CCDC3: variants seen among roughly 807,000 people sequenced by gnomAD.
The protein encoded by CCDC3 is coiled-coil domain-containing protein 3.
CCDC3 carries 24 observed loss-of-function variants against 21.4 expected under a neutral mutation model. The observed-to-expected ratio is 1.12, with a 90% CI of 0.81 to 1.58. The LOEUF (loss-of-function observed/expected upper bound fraction) is 1.58, where lower values mean the gene tolerates loss of function less well. Ranked by LOEUF, CCDC3 falls within the 40% of genes most tolerant of loss-of-function variation. The pLI is 0.00. For missense variants in CCDC3, 425 were observed against 360.9 expected, an observed-to-expected ratio of 1.18 and a Z score of -1.44; for synonymous variants, 186 against 166.0, an observed-to-expected ratio of 1.12 and a Z score of -0.93.
intron 2 of CCDC3, among the ~76,000 whole-genome samples, chr10:12,904,633 G>A (rs1834144382): frequency 6.6e-6 from 1 of 152,046 alleles, no homozygotes; most frequent in African/African-American, 2.4e-5. Flanking sequence ...CCTGTCTCCA[G>A]TGACGGGACA....
intron 2 of CCDC3, among the ~76,000 whole-genome samples, chr10:12,958,193 A>C (rs13376952): frequency 0.51 from 77,860 of 152,002 alleles, 22,668 homozygotes; most frequent in Non-Finnish European, 0.65. Context: ...AGAACAACCT[A>C]ATACAAAAGT....
At chr10:12,967,244 C>T (rs902981566) in intron 2 of CCDC3, among the ~76,000 whole-genome samples, 6 of 152,148 alleles carry the variant, frequency 3.9e-5, no homozygotes, top group African/African-American at 1.4e-4. Context: ...GTGACTTCTC[C>T]ACCAAATGAA....
At chr10:13,059,742 C>A (rs1836730528) in intron 4 of CCDC3, among the ~76,000 whole-genome samples, 1 of 152,128 alleles carries the variant, frequency 6.6e-6, no homozygotes, top group African/African-American at 2.4e-5. Context: ...GGCCTCATTT[C>A]TCTTGTGCAT....
intron 1 of CCDC3, among the ~76,000 whole-genome samples, chr10:12,999,144 G>A (rs918002372): frequency 2.0e-5 from 3 of 152,178 alleles, no homozygotes; most frequent in Non-Finnish European, 4.4e-5. Context: ...GAAGGCTGAG[G>A]CAGGAGAATC....
At chr10:12,986,504 G>C (rs1171781697) in intron 2 of CCDC3, among the ~76,000 whole-genome samples, 1 of 152,198 alleles carries the variant, frequency 6.6e-6, no homozygotes, top group Non-Finnish European at 1.5e-5. Flanking sequence ...GCCGGGCACA[G>C]TGGTTCACGC....
At chr10:12,930,521 G>T (rs1834621536) in intron 2 of CCDC3, among the ~76,000 whole-genome samples, 1 of 152,110 alleles carries the variant, frequency 6.6e-6, no homozygotes, top group Admixed American at 6.6e-5. Context: ...GGAAACATGG[G>T]GCACAATAGT....
intron 2 of CCDC3, among the ~76,000 whole-genome samples, chr10:12,940,256 A>ACCAAACT (rs1834807116): frequency 6.8e-6 from 1 of 146,998 alleles, no homozygotes; most frequent in Non-Finnish European, 1.5e-5. Context: ...TTTTCCCTGA[A>ACCAAACT]CCAAACTCCA....
intron 5 of CCDC3, among the ~76,000 whole-genome samples, chr10:13,016,439 C>T (rs1836061374): frequency 6.6e-6 from 1 of 151,496 alleles, no homozygotes; most frequent in South Asian, 2.1e-4. Flanking sequence ...AAATAAAAGA[C>T]ATTCTTCCTA....
rs151309688 is a variant in CCDC3, at chr10:13,075,154, A to T, written c.-502-1054T>A. On this transcript the variant is annotated intron_variant, in intron 3 of 6. Transcript: ENST00000378839. Reference sequence around the variant, plus strand: ...CCCTTTATAACAAATCATCTCTCCAACTTCTTATCAATATCTCAGAAGCTA... The same window carrying T: ...CCCTTTATAACAAATCATCTCTCCATCTTCTTATCAATATCTCAGAAGCTA... Among the ~76,000 whole-genome samples the T allele has an allele frequency of 3.3e-5, 5 of 152,204 alleles. No homozygotes were observed. In the East Asian group the frequency reaches 9.7e-4, roughly 29 times the overall value.
intron 2 of CCDC3, among the ~76,000 whole-genome samples, chr10:12,957,297 G>C (rs1162086150): frequency 6.6e-6 from 1 of 152,186 alleles, no homozygotes; most frequent in Non-Finnish European, 1.5e-5. Flanking sequence ...AAAGGGTTCG[G>C]GGCCGAGCTT....
intron 2 of CCDC3, among the ~76,000 whole-genome samples, chr10:12,953,528 T>C (rs546172838): frequency 6.6e-6 from 1 of 152,362 alleles, no homozygotes; most frequent in Admixed American, 6.5e-5. Flanking sequence ...CTGTGGTTGA[T>C]TGTGTTTGAA....
At chr10:13,018,913 G>C (rs1182723282) in intron 5 of CCDC3, among the ~76,000 whole-genome samples, 1 of 150,524 alleles carries the variant, frequency 6.6e-6, no homozygotes, top group Non-Finnish European at 1.5e-5. Context: ...CTCCAGCCTA[G>C]ATGACAAGAG....
At chr10:13,075,960 G>T (rs1836959669) in intron 3 of CCDC3, among the ~76,000 whole-genome samples, 1 of 152,168 alleles carries the variant, frequency 6.6e-6, no homozygotes, top group African/African-American at 2.4e-5. Flanking sequence ...ATATCCAAAG[G>T]CTGAGGCAGG....
intron 3 of CCDC3, among the ~76,000 whole-genome samples, chr10:13,094,537 A>G (rs1832610365): frequency 6.6e-6 from 1 of 151,734 alleles, no homozygotes; most frequent in African/African-American, 2.4e-5. Flanking sequence ...TTACAGGTGT[A>G]AGCCACTGTG....
At chr10:12,964,538 C>T (rs138100088) in intron 2 of CCDC3, among the ~76,000 whole-genome samples, 31 of 152,252 alleles carry the variant, frequency 2.0e-4, no homozygotes, top group Non-Finnish European at 3.7e-4. Flanking sequence ...AACAGTACCA[C>T]GAAGAGAGAA....
At chr10:13,041,430 T>C (rs1836452466) in intron 5 of CCDC3, among the ~76,000 whole-genome samples, 1 of 151,416 alleles carries the variant, frequency 6.6e-6, no homozygotes, top group Non-Finnish European at 1.5e-5. Context: ...TGATATCTTG[T>C]TCCACACTAA....
At chr10:13,050,278 A>G (rs1836587208) in intron 4 of CCDC3, among the ~76,000 whole-genome samples, 1 of 152,106 alleles carries the variant, frequency 6.6e-6, no homozygotes, top group African/African-American at 2.4e-5. Context: ...CAAGGAAGGC[A>G]GGCTTTCTCC....
At chr10:12,904,306 A>G (rs1007485818) in intron 2 of CCDC3, among the ~76,000 whole-genome samples, 1 of 151,602 alleles carries the variant, frequency 6.6e-6, no homozygotes, top group Non-Finnish European at 1.5e-5. Context: ...ATCTCTAAAA[A>G]ATAAAAATAA....
At chr10:12,899,552 CAAGAGAGG>C (rs1469478921) in intron 2 of CCDC3, among the ~76,000 whole-genome samples, 1 of 152,162 alleles carries the variant, frequency 6.6e-6, no homozygotes, top group Non-Finnish European at 1.5e-5. Flanking sequence ...AAATACCCAT[CAAGAGAGG>C]TCTGGTTCCA....
Sources: gnomAD v4.1 joint callset for allele counts (sites outside exome capture counted in the v4.1 genomes callset) on GRCh38, gnomAD v4.1.1 for gene constraint, MANE v1.5 for transcripts, NCBI Gene and HGNC (gene_info 2026-07-23, HGNC 2026-07-21) for gene names.